The following STX19 variants were observed in gnomAD, a reference collection of about 807,000 sequenced individuals.
The protein encoded by STX19 is syntaxin-19.
A neutral mutation model predicts 24.3 loss-of-function variants in STX19; 26 were observed. The ratio of observed to expected loss-of-function variants is 1.07; its 90% CI spans 0.78 to 1.48. The LOEUF (loss-of-function observed/expected upper bound fraction) is 1.48, where lower values mean the gene tolerates loss of function less well. Ranked by LOEUF, STX19 falls within the 40% of genes most tolerant of loss-of-function variation. The probability of loss-of-function intolerance (pLI) is 0.00; values close to 1 mark genes in which losing one functional copy is unlikely to be tolerated. For synonymous variants in STX19, 116 were observed against 106.9 expected (o/e 1.09, Z -0.52); for missense variants, 367 against 331.9 (o/e 1.11, Z -0.82).
chr3:94,025,860 T>A (rs1166067520), intron 1 of STX19, among the ~76,000 whole-genome samples: 1 of 152,206 alleles, frequency 6.6e-6, no homozygotes, highest in African/African-American at 2.4e-5. Context: ...CCTAGTTAAC[T>A]GTTTCATCTA....
At chr3:94,022,172 G>T (rs2107009740) in intron 1 of STX19, among the ~76,000 whole-genome samples, 1 of 152,064 alleles carries the variant, frequency 6.6e-6, no homozygotes, top group East Asian at 1.9e-4. Context: ...CACCCAGGCT[G>T]GAGTGCAATG....
rs147240845 is a variant in STX19, at chr3:94,015,069, A to T, written c.201T>A (p.Asn67Lys). 372 of 1,613,788 alleles carry T rather than the reference A, an allele frequency of 2.3e-4. No homozygotes were observed. The highest frequency in any genetic ancestry group is 2.9e-4 in the Non-Finnish European group (346 of 1,179,954). The change falls in exon 2 of 2, where the codon AAT becomes AAA. Residue 67 changes from asparagine to lysine, a missense_variant. Coordinates refer to ENST00000315099, the MANE Select transcript of STX19 (RefSeq NM_001001850.3). ...TCTGTTGCTGCCCAAATTTTTGAAC[A>T]TTATCTGCCAAATTGTTAATACTTT... ...LQESINNLAD[N>K]VQKFGQQQKS... is the part of the protein sequence containing the mutation.
intron 1 of STX19, among the ~76,000 whole-genome samples, chr3:94,026,181 GACTA>G (rs1275671963): frequency 2.6e-5 from 4 of 151,976 alleles, no homozygotes; most frequent in Admixed American, 6.6e-5. Context: ...CACCACACCC[GACTA>G]ACTTTTTATA....
At chr3:94,015,824 C>G (rs2107494503) in intron 1 of STX19, among the ~76,000 whole-genome samples, 1 of 152,216 alleles carries the variant, frequency 6.6e-6, no homozygotes, top group African/African-American at 2.4e-5. Flanking sequence ...TCCGAAGCCT[C>G]TGAATTAACG....
chr3:94,021,723 AGT>A (rs908554626), intron 1 of STX19, among the ~76,000 whole-genome samples: 7 of 152,130 alleles, frequency 4.6e-5, no homozygotes, highest in South Asian at 2.1e-4. Context: ...ATAGCTTCCT[AGT>A]GTTCATTTTG....
chr3:94,020,432 C>G (rs1470326781), intron 1 of STX19, among the ~76,000 whole-genome samples: 1 of 152,138 alleles, frequency 6.6e-6, no homozygotes, highest in South Asian at 2.1e-4. Flanking sequence ...AAGGACTCAA[C>G]TCTTTATACG....
chr3:94,027,554 T>G (rs1044655562), intron 1 of STX19, among the ~76,000 whole-genome samples: 3 of 152,086 alleles, frequency 2.0e-5, no homozygotes, highest in Admixed American at 2.0e-4. Flanking sequence ...GAAGATAATG[T>G]GTTCGAGGTA....
intron 1 of STX19, among the ~76,000 whole-genome samples, chr3:94,018,237 A>G (rs2076373229): frequency 6.6e-6 from 1 of 150,506 alleles, no homozygotes; most frequent in Admixed American, 6.6e-5. Flanking sequence ...CTTTCTATAT[A>G]GAGAATAGTT....
At chr3:94,027,808 A>G (rs2076589158) in intron 1 of STX19, among the ~76,000 whole-genome samples, 3 of 152,118 alleles carry the variant, frequency 2.0e-5, no homozygotes, top group Admixed American at 2.0e-4. Flanking sequence ...GAAATATTAT[A>G]AAGGTTAGTG....
chr3:94,025,610 G>A (rs2076540438), intron 1 of STX19, among the ~76,000 whole-genome samples: 1 of 152,110 alleles, frequency 6.6e-6, no homozygotes, highest in African/African-American at 2.4e-5. Flanking sequence ...GCTTCATTGG[G>A]GAGTTATACA....
At position 94,015,219 on chromosome 3, in the gene STX19, GA is replaced by G. The variant is rs754988282; in HGVS notation, c.50del (p.Leu17ProfsTer30). 6.3e-7 allele frequency: 1 copy of G among 1,595,310 alleles called. No homozygotes were observed. The highest frequency in any genetic ancestry group is 1.4e-5 in the African/African-American group (1 of 73,558). On this transcript the variant is annotated frameshift_variant, in exon 2 of 2. Transcript: ENST00000315099. LOFTEE classifies it high-confidence loss of function. ...ELKQRTKEIE[L>X]SRDSHVSTTE... ...TAGTTGATACATGACTGTCTCTAGAGAGTTCAATTTCCTTTGTTCTCTGCTT... is the reference window on the plus strand; with the variant it reads ...TAGTTGATACATGACTGTCTCTAGAGGTTCAATTTCCTTTGTTCTCTGCTT...
Position 94,014,608 on chromosome 3 carries a change from T to C in STX19, c.662A>G (p.Asn221Ser). Reference protein sequence around the residue: ...EIEQRHKELVNLENQIKDLRD... With the variant: ...EIEQRHKELVSLENQIKDLRD... ...TAAATCCTTTATTTGGTTCTCCAAA[T>C]TAACAAGTTCCTTGTGTCTCTGTTC... is the stretch of plus-strand genomic sequence containing the variant. Residue 221 changes from asparagine (N) to serine (S), a missense_variant, in exon 2 of 2, where the codon AAT becomes AGT. Asn to Ser is a conservative substitution (Grantham distance 46). Coordinates refer to ENST00000315099, the MANE Select transcript of STX19 (RefSeq NM_001001850.3). The C allele has an allele frequency of 6.2e-7, 1 of 1,613,234 alleles. No individual in the cohort carries two copies. Among genetic ancestry groups the C allele is most frequent in the Non-Finnish European group, 8.5e-7 (1 of 1,179,878 alleles).
At chr3:94,015,858 C>T (rs1421528727) in intron 1 of STX19, among the ~76,000 whole-genome samples, 1 of 152,046 alleles carries the variant, frequency 6.6e-6, no homozygotes, top group Admixed American at 6.6e-5. Context: ...AATGTTTTTT[C>T]TAGCTGTTGC....
At chr3:94,026,089 G>A (rs969395692) in intron 1 of STX19, among the ~76,000 whole-genome samples, 7 of 148,874 alleles carry the variant, frequency 4.7e-5, no homozygotes, top group Non-Finnish European at 8.9e-5. Context: ...GCACCATCTC[G>A]GCTCACTGCA....
Position 94,015,246 on chromosome 3 carries a change from T to C in STX19, c.24A>G (p.Leu8=), listed in dbSNP as rs2076307094. Residue 8 remains leucine (L), a synonymous_variant, in exon 2 of 2, where the codon CTA becomes CTG. Transcript: ENST00000315099. ...GTTCAATTTCCTTTGTTCTCTGCTTTAGTTCTTGAAGTCGGTCTTTCATCT... is the reference window on the plus strand; with the variant it reads ...GTTCAATTTCCTTTGTTCTCTGCTTCAGTTCTTGAAGTCGGTCTTTCATCT... MKDRLQE[L]KQRTKEIELS... 2.6e-6 allele frequency: 4 copies of C among 1,555,104 alleles called. No individual in the cohort carries two copies. The highest frequency in any genetic ancestry group is 1.4e-5 in the African/African-American group (1 of 72,326).
rs753507112 is a variant in STX19 at position 94,014,861 on chromosome 3, G to A, written c.409C>T (p.His137Tyr). ...SVVTRILKSQ[H>Y]AAMFRHFQQI... ...TGAAAATGGCGGAACATTGCAGCAT[G>A]CTGAGATTTAAGTATCCTTGTGACC... The change falls in exon 2 of 2, where the codon CAT (histidine) becomes TAT (tyrosine). Residue 137 changes from histidine (H) to tyrosine (Y), a missense_variant. By Grantham distance (83) the His-to-Tyr change is moderately conservative. Transcript: ENST00000315099. The A allele has an allele frequency of 9.9e-6, 16 of 1,613,932 alleles. No homozygotes were observed. Among genetic ancestry groups the A allele is most frequent in the Middle Eastern group, 1.6e-4 (1 of 6,084 alleles).
At chr3:94,025,313 G>T (rs1284450612) in intron 1 of STX19, among the ~76,000 whole-genome samples, 1 of 151,386 alleles carries the variant, frequency 6.6e-6, no homozygotes, top group Admixed American at 6.6e-5. Flanking sequence ...GCAAAACATG[G>T]AAATAGAATC....
chr3:94,025,620 A>G (rs73156361), intron 1 of STX19, among the ~76,000 whole-genome samples: 44 of 152,352 alleles, frequency 2.9e-4, no homozygotes, highest in South Asian at 1.9e-3. Flanking sequence ...GGAGTTATAC[A>G]AGAATGCTCT....
chr3:94,025,465 T>C (rs149866151), intron 1 of STX19, among the ~76,000 whole-genome samples: 490 of 152,320 alleles, frequency 3.2e-3, no homozygotes, highest in African/African-American at 0.011. Flanking sequence ...AGAATATTTA[T>C]GTGAAAGATC....
Sources: gnomAD v4.1 joint callset for allele counts (sites outside exome capture counted in the v4.1 genomes callset) on GRCh38, gnomAD v4.1.1 for gene constraint, MANE v1.5 for transcripts, NCBI Gene and HGNC (gene_info 2026-07-23, HGNC 2026-07-21) for gene names.